BCR: variants seen among roughly 807,000 people sequenced by gnomAD.
The protein encoded by BCR is breakpoint cluster region protein.
A neutral mutation model predicts 138.6 loss-of-function variants in BCR; 58 were observed. The ratio of observed to expected loss-of-function variants is 0.42; its 90% CI spans 0.34 to 0.52. The LOEUF (loss-of-function observed/expected upper bound fraction) is 0.52, where lower values mean the gene tolerates loss of function less well. Among genes scored for constraint, BCR ranks in the 20% least tolerant of loss-of-function variants. The pLI, the probability that BCR is intolerant of heterozygous loss-of-function variation, is 0.06. For synonymous variants in BCR, 786 were observed against 730.1 expected, an observed-to-expected ratio of 1.08 and a Z score of -1.23; for missense variants, 1,599 against 1,727.2, an observed-to-expected ratio of 0.93 and a Z score of 1.32.
At chr22:23,209,755 G>C (rs1387185245) in intron 1 of BCR, among the ~76,000 whole-genome samples, 2 of 152,120 alleles carry the variant, frequency 1.3e-5, no homozygotes, top group East Asian at 3.9e-4. Context: ...GTGTTAGCCA[G>C]GATGGTCTTG....
intron 1 of BCR, among the ~76,000 whole-genome samples, chr22:23,240,086 G>A (rs1208415756): frequency 1.3e-5 from 2 of 152,078 alleles, no homozygotes; most frequent in African/African-American, 4.8e-5. Flanking sequence ...TGGGATTACA[G>A]GCATGAGCCA....
intron 1 of BCR, among the ~76,000 whole-genome samples, chr22:23,248,326 G>A (rs2073178328): frequency 1.3e-5 from 2 of 150,386 alleles, no homozygotes; most frequent in South Asian, 4.2e-4. Flanking sequence ...CAGTGTCCGG[G>A]CAACAGAGTG....
At chr22:23,235,457 C>T (rs1272964612) in intron 1 of BCR, among the ~76,000 whole-genome samples, 1 of 144,626 alleles carries the variant, frequency 6.9e-6, no homozygotes, top group Non-Finnish European at 1.6e-5. Flanking sequence ...GAGTAAGCAG[C>T]GTTTAAGTGC....
chr22:23,296,984 G>T (rs1343751105), intron 16 of BCR, among the ~76,000 whole-genome samples: 1 of 152,086 alleles, frequency 6.6e-6, no homozygotes, highest in Non-Finnish European at 1.5e-5. Context: ...TCATAGTTTG[G>T]GTGATGGTCA....
intron 16 of BCR, among the ~76,000 whole-genome samples, chr22:23,300,240 C>T (rs1025351126): frequency 6.6e-6 from 1 of 152,190 alleles, no homozygotes; most frequent in African/African-American, 2.4e-5. Context: ...CTGTTAACCT[C>T]TAGTCCACTT....
chr22:23,266,485 G>A (rs1331258550), intron 4 of BCR, among the ~76,000 whole-genome samples: 1 of 152,048 alleles, frequency 6.6e-6, no homozygotes, highest in Non-Finnish European at 1.5e-5. Context: ...TGCCTCCCAG[G>A]TTCAAGCGAT....
At chr22:23,255,714 A>G (rs2073286653) in intron 2 of BCR, among the ~76,000 whole-genome samples, 1 of 152,174 alleles carries the variant, frequency 6.6e-6, no homozygotes. Context: ...GACTTGGAGT[A>G]CAGCCTTCAC....
chr22:23,240,411 G>C (rs1490825922), intron 1 of BCR, among the ~76,000 whole-genome samples: 1 of 151,274 alleles, frequency 6.6e-6, no homozygotes, highest in Non-Finnish European at 1.5e-5. Context: ...CAGCACTTTG[G>C]GAGGCTGAGG....
At chr22:23,220,944 G>A (rs924539599) in intron 1 of BCR, among the ~76,000 whole-genome samples, 1 of 152,224 alleles carries the variant, frequency 6.6e-6, no homozygotes, top group South Asian at 2.1e-4. Flanking sequence ...CTCTCACGTC[G>A]TTGCCTCTTG....
chr22:23,202,868 T>TG (rs1007577734), intron 1 of BCR, among the ~76,000 whole-genome samples: 17 of 151,982 alleles, frequency 1.1e-4, no homozygotes, highest in African/African-American at 1.9e-4. Context: ...GGGGTTTTTT[T>TG]TTTGTTTGTT....
At chr22:23,291,846 C>T (rs1192000111) in intron 14 of BCR, among the ~76,000 whole-genome samples, 1 of 152,206 alleles carries the variant, frequency 6.6e-6, no homozygotes, top group Non-Finnish European at 1.5e-5. Context: ...GGCTGCCTGG[C>T]CAGGCCCTGG....
At chr22:23,311,004 T>TC (rs2074001300) in intron 18 of BCR, among the ~76,000 whole-genome samples, 5 of 151,066 alleles carry the variant, frequency 3.3e-5, no homozygotes, top group African/African-American at 9.7e-5. Flanking sequence ...CAGCGAGGAC[T>TC]CCATCAGCAG....
chr22:23,276,105 A>AAG (rs2073572723), intron 8 of BCR, among the ~76,000 whole-genome samples: 1 of 152,128 alleles, frequency 6.6e-6, no homozygotes, highest in South Asian at 2.1e-4. Flanking sequence ...GTAATTTAAG[A>AAG]AGGGCTGGGT....
intron 8 of BCR, among the ~76,000 whole-genome samples, chr22:23,275,475 T>G (rs2073565535): frequency 6.6e-6 from 1 of 152,218 alleles, no homozygotes; most frequent in Admixed American, 6.5e-5. Context: ...TCTGAGCGCA[T>G]TGAAGGCGGA....
intron 1 of BCR, among the ~76,000 whole-genome samples, chr22:23,196,327 C>T (rs1004445027): frequency 6.6e-6 from 1 of 152,156 alleles, no homozygotes; most frequent in Non-Finnish European, 1.5e-5. Context: ...CCGGGACAAG[C>T]AGGCACCTAA....
intron 4 of BCR, chr22:23,265,104 A>G (rs1388348021): frequency 6.6e-6 from 1 of 152,228 alleles, no homozygotes; most frequent in East Asian, 1.9e-4. Flanking sequence ...GCCAGATAAT[A>G]TTCCGAAATC....
rs191834338 is a variant in BCR at position 23,208,015 on chromosome 22, C to T, written c.1279+25776C>T. ...AGGCAGGTGTGCCCATCTGTACCCACCTTTGCTTTGGCTCATTGGCTCCTG... is the reference window on the plus strand; with the variant it reads ...AGGCAGGTGTGCCCATCTGTACCCATCTTTGCTTTGGCTCATTGGCTCCTG... On this transcript the variant is annotated intron_variant, in intron 1 of 22. Coordinates refer to ENST00000305877, the MANE Select transcript of BCR (RefSeq NM_004327.4). Among the ~76,000 whole-genome samples, 1,080 of 152,348 alleles carry T rather than the reference C, an allele frequency of 7.1e-3. 7 individuals carry two copies. The highest frequency in any genetic ancestry group is 0.011 in the Non-Finnish European group (715 of 68,034).
chr22:23,257,007 A>G (rs1200637654), intron 2 of BCR, among the ~76,000 whole-genome samples: 1 of 151,904 alleles, frequency 6.6e-6, no homozygotes, highest in Non-Finnish European at 1.5e-5. Context: ...TACCCGCCCC[A>G]GCCTCCTTGC....
chr22:23,210,850 C>T (rs555623197), intron 1 of BCR, among the ~76,000 whole-genome samples: 38 of 152,282 alleles, frequency 2.5e-4, no homozygotes, highest in African/African-American at 8.2e-4. Flanking sequence ...TATTTCATCC[C>T]ACAGATGGGT....
Sources: gnomAD v4.1 joint callset for allele counts (sites outside exome capture counted in the v4.1 genomes callset) on GRCh38, gnomAD v4.1.1 for gene constraint, MANE v1.5 for transcripts, NCBI Gene and HGNC (gene_info 2026-07-23, HGNC 2026-07-21) for gene names.